MGMT: variants seen among roughly 807,000 people sequenced by gnomAD.
MGMT encodes the protein methylated-DNA--protein-cysteine methyltransferase.
A neutral mutation model predicts 15.9 loss-of-function variants in MGMT; 14 were observed. That is an observed-to-expected ratio of 0.88 (90% CI 0.58 to 1.37). MGMT has a LOEUF of 1.37. Ranked by LOEUF, MGMT falls within the 40% of genes most tolerant of loss-of-function variation. The pLI is 0.00. For missense variants in MGMT, 282 were observed against 268.1 expected, an observed-to-expected ratio of 1.05 and a Z score of -0.36; for synonymous variants, 130 against 118.2, an observed-to-expected ratio of 1.10 and a Z score of -0.65.
chr10:129,753,655 TTTA>T (rs774936612), intron 3 of MGMT, among the ~76,000 whole-genome samples: 1 of 152,236 alleles, frequency 6.6e-6, no homozygotes, highest in Non-Finnish European at 1.5e-5. Context: ...AATTTTCTAC[TTTA>T]TTATTCTTGA....
chr10:129,725,218 A>G (rs1376030578), intron 3 of MGMT, among the ~76,000 whole-genome samples: 6 of 152,216 alleles, frequency 3.9e-5, no homozygotes, highest in South Asian at 2.1e-4. Context: ...GCTTCCACGC[A>G]AGTGGAAGAC....
chr10:129,680,382 T>C (rs1368227469), intron 2 of MGMT, among the ~76,000 whole-genome samples: 2 of 152,060 alleles, frequency 1.3e-5, no homozygotes, highest in African/African-American at 4.8e-5. Flanking sequence ...AGCGCTGCAG[T>C]GGGTTGTGGA....
At chr10:129,760,669 G>A (rs1848862104) in intron 4 of MGMT, among the ~76,000 whole-genome samples, 1 of 152,222 alleles carries the variant, frequency 6.6e-6, no homozygotes, top group Non-Finnish European at 1.5e-5. Flanking sequence ...GCACAAAACT[G>A]CATTGTTAGT....
At chr10:129,686,454 A>G (rs956740280) in intron 2 of MGMT, among the ~76,000 whole-genome samples, 1 of 151,990 alleles carries the variant, frequency 6.6e-6, no homozygotes, top group African/African-American at 2.4e-5. Flanking sequence ...CTCTCACTGC[A>G]ACCTCTGCCT....
In MGMT at chr10:129,641,051, A is replaced by G. The variant is rs575668342; in HGVS notation, c.126-66844A>G. On this transcript the variant is annotated intron_variant, in intron 2 of 4. Transcript: ENST00000651593. ...AGCCAGTCCAGTACATCAAGGGAAA[A>G]AATGATTTTGGAAAAGTAAGAAATA... 9.2e-5 allele frequency among the ~76,000 whole-genome samples: 14 copies of G among 152,340 alleles called. No homozygotes were observed. The East Asian group carries it at 2.1e-3, about 23-fold the overall frequency.
intron 2 of MGMT, among the ~76,000 whole-genome samples, chr10:129,685,123 T>C (rs756188361): frequency 6.6e-6 from 1 of 152,222 alleles, no homozygotes; most frequent in Non-Finnish European, 1.5e-5. Context: ...GTCAGCTTAA[T>C]TGGAAGCAGG....
At chr10:129,497,293 C>T (rs1259374502) in intron 1 of MGMT, among the ~76,000 whole-genome samples, 1 of 152,130 alleles carries the variant, frequency 6.6e-6, no homozygotes, top group Non-Finnish European at 1.5e-5. Context: ...AGGGGCGGTG[C>T]ACAGCTCTGT....
chr10:129,760,971 G>A (rs3793907), intron 4 of MGMT, among the ~76,000 whole-genome samples: 56,114 of 151,948 alleles, frequency 0.37, 11,141 homozygotes, highest in Admixed American at 0.5. Context: ...TGATTTTTAC[G>A]GCGCGTTGGG....
At chr10:129,548,426 C>A (rs903822644) in intron 2 of MGMT, among the ~76,000 whole-genome samples, 5 of 152,170 alleles carry the variant, frequency 3.3e-5, no homozygotes, top group Admixed American at 6.5e-5. Context: ...AAATACTGAG[C>A]TTTCTGATCT....
intron 2 of MGMT, among the ~76,000 whole-genome samples, chr10:129,592,378 A>G (rs1846697002): frequency 6.6e-6 from 1 of 152,244 alleles, no homozygotes; most frequent in Non-Finnish European, 1.5e-5. Context: ...CCAGTGTGGC[A>G]TTAACTAGTG....
intron 1 of MGMT, among the ~76,000 whole-genome samples, chr10:129,483,036 A>T (rs993558822): frequency 5.9e-5 from 9 of 152,270 alleles, no homozygotes; most frequent in African/African-American, 2.2e-4. Flanking sequence ...CCAATTTAAC[A>T]TTCTGTCTAC....
chr10:129,766,873 G>C lies in MGMT; in HGVS notation c.500G>C (p.Trp167Ser), dbSNP rs777316575. Residue 167 changes from tryptophan to serine, a missense_variant, in exon 5 of 5, where the codon TGG (tryptophan) becomes TCG (serine). Coordinates refer to ENST00000651593, the MANE Select transcript of MGMT (RefSeq NM_002412.5). ...TCCGGAGGACTGGCCGTGAAGGAATGGCTTCTGGCCCATGAAGGCCACCGG... is the reference window on the plus strand; with the variant it reads ...TCCGGAGGACTGGCCGTGAAGGAATCGCTTCTGGCCCATGAAGGCCACCGG... ...NYSGGLAVKE[W>S]LLAHEGHRLG... The C allele has an allele frequency of 5.6e-6, 9 of 1,613,624 alleles. No homozygotes were observed. The African/African-American group carries it at 6.7e-5, about 12-fold the overall frequency.
chr10:129,577,106 C>T (rs1220263951), intron 2 of MGMT, among the ~76,000 whole-genome samples: 4 of 152,132 alleles, frequency 2.6e-5, no homozygotes, highest in Admixed American at 6.5e-5. Flanking sequence ...AATGGCCATA[C>T]TGCCCAAGGT....
chr10:129,710,847 C>T (rs1040344735), intron 3 of MGMT, among the ~76,000 whole-genome samples: 3 of 152,212 alleles, frequency 2.0e-5, no homozygotes, highest in African/African-American at 7.2e-5. Flanking sequence ...ATGGAATGAA[C>T]ATTTCCTTGA....
chr10:129,486,663 TGAA>T (rs67009222), intron 1 of MGMT, among the ~76,000 whole-genome samples: 9,135 of 152,284 alleles, frequency 0.06, 378 homozygotes, highest in Admixed American at 0.079. Context: ...ATTTCTACTC[TGAA>T]GAAGGACTGT....
intron 2 of MGMT, among the ~76,000 whole-genome samples, chr10:129,585,173 G>T (rs1044309126): frequency 1.3e-5 from 2 of 152,092 alleles, no homozygotes; most frequent in Non-Finnish European, 2.9e-5. Flanking sequence ...ATCCTAAAGG[G>T]CGAGAAAGAT....
chr10:129,604,777 T>G (rs12775171), intron 2 of MGMT, among the ~76,000 whole-genome samples: 7,826 of 139,404 alleles, frequency 0.056, 279 homozygotes, highest in Middle Eastern at 0.094. Context: ...CTCAAGGCCT[T>G]TTATCATTTT....
chr10:129,576,089 C>T (rs1846479289), intron 2 of MGMT, among the ~76,000 whole-genome samples: 3 of 152,194 alleles, frequency 2.0e-5, no homozygotes, highest in South Asian at 2.1e-4. Flanking sequence ...GATTCGCAGC[C>T]GAATTCTACC....
At chr10:129,743,843 A>T (rs559580131) in intron 3 of MGMT, among the ~76,000 whole-genome samples, 2 of 152,374 alleles carry the variant, frequency 1.3e-5, no homozygotes, top group South Asian at 4.1e-4. Flanking sequence ...CTGGCTACAG[A>T]TGGTCATCCT....
Sources: allele counts gnomAD v4.1 joint callset (sites outside exome capture counted in the v4.1 genomes callset), GRCh38; gene constraint gnomAD v4.1.1; transcripts MANE v1.5; gene names NCBI Gene and HGNC (gene_info 2026-07-23, HGNC 2026-07-21).